ASTN2: variants seen among roughly 807,000 people sequenced by gnomAD.
ASTN2 encodes the protein astrotactin-2.
ASTN2 carries 54 observed loss-of-function variants against 139.8 expected under a neutral mutation model. The observed-to-expected ratio is 0.39, with a 90% CI of 0.31 to 0.48. The LOEUF (loss-of-function observed/expected upper bound fraction) is 0.48, where lower values mean the gene tolerates loss of function less well. Ranked by LOEUF, ASTN2 falls within the 20% of genes least tolerant of loss-of-function variation. ASTN2 has a pLI of 0.95. For synonymous variants in ASTN2, 756 were observed against 719.5 expected (o/e 1.05, Z -0.81); for missense variants, 1,565 against 1,725.1 (o/e 0.91, Z 1.64).
intron 10 of ASTN2, among the ~76,000 whole-genome samples, chr9:116,955,961 C>G (rs1835693917): frequency 6.6e-6 from 1 of 152,172 alleles, no homozygotes; most frequent in Non-Finnish European, 1.5e-5. Context: ...ACAGGAGTCT[C>G]TTTCCGGAGA....
chr9:116,854,065 A>C (rs560525804), intron 11 of ASTN2, among the ~76,000 whole-genome samples: 25 of 152,324 alleles, frequency 1.6e-4, no homozygotes, highest in Admixed American at 7.2e-4. Context: ...ATTTGGCCCG[A>C]ATTCCCTGCT....
intron 19 of ASTN2, chr9:116,610,873 C>T (rs1002082959): frequency 4.0e-5 from 6 of 148,990 alleles, no homozygotes; most frequent in African/African-American, 1.5e-4. Context: ...TTTAATACCC[C>T]TCTCTCAAAT....
intron 2 of ASTN2, among the ~76,000 whole-genome samples, chr9:117,276,626 T>A (rs961266708): frequency 4.6e-5 from 7 of 152,128 alleles, no homozygotes; most frequent in Non-Finnish European, 1.0e-4. Context: ...AGGGTGTCCA[T>A]GGGGAAAGCC....
chr9:117,237,511 G>A (rs1240424213), intron 2 of ASTN2, among the ~76,000 whole-genome samples: 1 of 152,096 alleles, frequency 6.6e-6, no homozygotes, highest in Non-Finnish European at 1.5e-5. Context: ...ACAGAGTTTT[G>A]CTCAGTTGCC....
intron 5 of ASTN2, among the ~76,000 whole-genome samples, chr9:117,053,397 C>T (rs1402775794): frequency 1.3e-5 from 2 of 151,908 alleles, no homozygotes; most frequent in African/African-American, 2.4e-5. Context: ...GGCTGCAGTA[C>T]GCTATGATCG....
chr9:116,483,354 C>T (rs964973307), intron 20 of ASTN2, among the ~76,000 whole-genome samples: 3 of 152,226 alleles, frequency 2.0e-5, no homozygotes, highest in African/African-American at 7.2e-5. Context: ...CCTTGACTTT[C>T]ACTCCTTCAT....
chr9:117,269,938 T>C (rs921545628), intron 2 of ASTN2, among the ~76,000 whole-genome samples: 1 of 152,206 alleles, frequency 6.6e-6, no homozygotes, highest in African/African-American at 2.4e-5. Flanking sequence ...CTTATCTCAC[T>C]GAATCCACAT....
chr9:116,483,554 A>C (rs555684098), intron 20 of ASTN2, among the ~76,000 whole-genome samples: 39 of 152,332 alleles, frequency 2.6e-4, no homozygotes, highest in Non-Finnish European at 4.7e-4. Flanking sequence ...AGAAATTAAA[A>C]TAATGAATAA....
chr9:116,981,922 G>C (rs1836522307), intron 7 of ASTN2, among the ~76,000 whole-genome samples: 1 of 152,168 alleles, frequency 6.6e-6, no homozygotes, highest in Admixed American at 6.5e-5. Context: ...CCAGAACTGT[G>C]TTATCAGCAG....
intron 1 of ASTN2, among the ~76,000 whole-genome samples, chr9:117,377,488 CA>C: frequency 6.6e-6 from 1 of 152,202 alleles, no homozygotes; most frequent in East Asian, 1.9e-4. Context: ...CATTTGTTGC[CA>C]TATCTAAAAT....
At chr9:117,317,934 G>C (rs1828199448) in intron 1 of ASTN2, among the ~76,000 whole-genome samples, 2 of 152,222 alleles carry the variant, frequency 1.3e-5, no homozygotes, top group African/African-American at 4.8e-5. Flanking sequence ...GCCTAAGGTG[G>C]TCACACACCT....
intron 20 of ASTN2, among the ~76,000 whole-genome samples, chr9:116,455,425 C>T (rs758647154): frequency 6.6e-6 from 1 of 150,646 alleles, no homozygotes; most frequent in African/African-American, 2.4e-5. Flanking sequence ...ATTTTTAAAA[C>T]CCATGTGACA....
chr9:117,413,786 T>C (rs1831241218), intron 1 of ASTN2, among the ~76,000 whole-genome samples: 1 of 152,176 alleles, frequency 6.6e-6, no homozygotes, highest in African/African-American at 2.4e-5. Flanking sequence ...ACCGGCTCTC[T>C]GCCTGGAGGT....
chr9:117,184,161 A>G (rs1831141850), intron 3 of ASTN2, among the ~76,000 whole-genome samples: 1 of 152,200 alleles, frequency 6.6e-6, no homozygotes, highest in Non-Finnish European at 1.5e-5. Flanking sequence ...AACTCAGGCA[A>G]CAGACACGCT....
intron 10 of ASTN2, among the ~76,000 whole-genome samples, chr9:116,887,053 G>A (rs1478040101): frequency 1.3e-5 from 2 of 152,128 alleles, no homozygotes; most frequent in South Asian, 4.1e-4. Flanking sequence ...TGTGAAACAA[G>A]TGCTCAATAA....
chr9:116,624,068 C>T (rs551912817), intron 17 of ASTN2, among the ~76,000 whole-genome samples: 4 of 152,076 alleles, frequency 2.6e-5, no homozygotes, highest in Non-Finnish European at 4.4e-5. Context: ...GTTTTCATAA[C>T]GAAGGTTTGC....
chr9:117,111,446 A>C (rs1174962969), intron 4 of ASTN2, among the ~76,000 whole-genome samples: 5 of 151,858 alleles, frequency 3.3e-5, no homozygotes, highest in Admixed American at 6.6e-5. Flanking sequence ...TAAAAAAAAA[A>C]ACACTGGATG....
chr9:116,569,167 T>C (rs1341015183), intron 19 of ASTN2, among the ~76,000 whole-genome samples: 6 of 152,068 alleles, frequency 3.9e-5, no homozygotes, highest in South Asian at 2.1e-4. Context: ...CCAAAGTCAT[T>C]GGGAATTAGA....
At chr9:116,950,529 G>T (rs888803405) in intron 10 of ASTN2, among the ~76,000 whole-genome samples, 1 of 152,148 alleles carries the variant, frequency 6.6e-6, no homozygotes. Flanking sequence ...AAAAGATATG[G>T]TTGGATATGT....
Sources: allele counts gnomAD v4.1 joint callset (sites outside exome capture counted in the v4.1 genomes callset), GRCh38; gene constraint gnomAD v4.1.1; transcripts MANE v1.5; gene names NCBI Gene and HGNC (gene_info 2026-07-23, HGNC 2026-07-21).